Variants in BLZF1 observed in about 807,000 individuals in gnomAD.
The protein encoded by BLZF1 is golgin-45.
A neutral mutation model predicts 43.8 loss-of-function variants in BLZF1; 39 were observed. That is an observed-to-expected ratio of 0.89 (90% confidence interval 0.69 to 1.16). BLZF1 has a LOEUF of 1.16. Among genes scored for constraint, BLZF1 ranks in the 50% most tolerant of loss-of-function variants. The pLI, the probability that BLZF1 is intolerant of heterozygous loss-of-function variation, is 0.00. For synonymous variants in BLZF1, 136 were observed against 159.4 expected (o/e 0.85, Z 1.11); for missense variants, 449 against 469.8 (o/e 0.96, Z 0.41).
At chr1:169,384,912 C>T (rs1244945275) in intron 6 of BLZF1, among the ~76,000 whole-genome samples, 1 of 152,184 alleles carries the variant, frequency 6.6e-6, no homozygotes, top group African/African-American at 2.4e-5. Flanking sequence ...CAAGGTCTGG[C>T]ATAATCCCTT....
intron 6 of BLZF1, among the ~76,000 whole-genome samples, chr1:169,383,812 T>C (rs1166506015): frequency 6.6e-6 from 1 of 152,176 alleles, no homozygotes; most frequent in Non-Finnish European, 1.5e-5. Context: ...CACCATACTC[T>C]TGAAACGATT....
At chr1:169,390,043 G>A (rs1654780575), downstream of BLZF1, among the ~76,000 whole-genome samples, 1 of 152,116 alleles carries the variant, frequency 6.6e-6, no homozygotes, top group Admixed American at 6.5e-5. Context: ...GTACAACAAT[G>A]TCAGTCTACT....
chr1:169,375,418 A>G (rs1271804598), intron 2 of BLZF1, among the ~76,000 whole-genome samples: 1 of 112,114 alleles, frequency 8.9e-6, no homozygotes, highest in Non-Finnish European at 1.9e-5. Context: ...ATATATATAT[A>G]TATATATATA....
In BLZF1 at chr1:169,376,722, G is replaced by A. The variant is rs901960632; in HGVS notation, c.211G>A (p.Glu71Lys). 3 of 1,613,274 alleles carry A rather than the reference G, an allele frequency of 1.9e-6. No homozygotes were observed. Among genetic ancestry groups the A allele is most frequent in the Non-Finnish European group, 2.5e-6 (3 of 1,179,584 alleles). The part of the protein sequence containing the change: ...GVLQLGKMLT[E>K]KAMEVKAVRI... Reference sequence around the variant, plus strand: ...TCTTCAGCTAGGGAAAATGCTCACTGAAAAAGCAATGGAAGTTAAAGCTGT... The same window carrying A: ...TCTTCAGCTAGGGAAAATGCTCACTAAAAAAGCAATGGAAGTTAAAGCTGT... Residue 71 changes from glutamate to lysine, a missense_variant, in exon 3 of 7, where the codon GAA becomes AAA. Glu to Lys is a moderately conservative substitution (Grantham distance 56). Coordinates refer to ENST00000367808, the MANE Select transcript of BLZF1 (RefSeq NM_001320973.2).
intron 6 of BLZF1, among the ~76,000 whole-genome samples, chr1:169,383,126 C>CT (rs1375066933): frequency 6.6e-6 from 1 of 152,112 alleles, no homozygotes; most frequent in Non-Finnish European, 1.5e-5. Flanking sequence ...AGCTGTTTGC[C>CT]TTTTTATTTC....
chr1:169,380,134 G>C (rs958587731), intron 4 of BLZF1, among the ~76,000 whole-genome samples: 2 of 151,736 alleles, frequency 1.3e-5, no homozygotes, highest in African/African-American at 4.8e-5. Flanking sequence ...AGTTTTGTTT[G>C]TCTCTTTAAG....
chr1:169,379,356 A>C (rs962454890), intron 4 of BLZF1, among the ~76,000 whole-genome samples: 6 of 152,054 alleles, frequency 3.9e-5, no homozygotes, highest in Admixed American at 1.3e-4. Context: ...TTGTAGTAGT[A>C]GTTCACTCTC....
At chr1:169,373,548 A>G (rs1654198595) in intron 2 of BLZF1, among the ~76,000 whole-genome samples, 1 of 152,176 alleles carries the variant, frequency 6.6e-6, no homozygotes, top group Non-Finnish European at 1.5e-5. Flanking sequence ...CTGTTTACCT[A>G]TGCACATTAG....
chr1:169,389,597 C>T (rs763503221), downstream of BLZF1, among the ~76,000 whole-genome samples: 3 of 152,214 alleles, frequency 2.0e-5, no homozygotes, highest in Non-Finnish European at 4.4e-5. Context: ...CCTAGCAATT[C>T]TGCTTCTAGG....
chr1:169,389,512 T>C (rs561453947), downstream of BLZF1, among the ~76,000 whole-genome samples: 1 of 152,330 alleles, frequency 6.6e-6, no homozygotes, highest in Non-Finnish European at 1.5e-5. Flanking sequence ...CCCCTATGCA[T>C]TGTTTGTGGG....
intron 2 of BLZF1, among the ~76,000 whole-genome samples, chr1:169,375,553 T>C (rs1654291333): frequency 6.7e-6 from 1 of 150,016 alleles, no homozygotes; most frequent in Non-Finnish European, 1.5e-5. Flanking sequence ...TGCACACTTA[T>C]TATATATTAT....
chr1:169,391,500 G>A (rs147879839), downstream of BLZF1, among the ~76,000 whole-genome samples: 48 of 152,286 alleles, frequency 3.2e-4, no homozygotes, highest in African/African-American at 1.1e-3. Flanking sequence ...TGAGGTTTGG[G>A]CTGCTGTTTC....
At chr1:169,371,625 C>A (rs529036207) in intron 2 of BLZF1, among the ~76,000 whole-genome samples, 12 of 152,280 alleles carry the variant, frequency 7.9e-5, no homozygotes, top group Admixed American at 7.2e-4. Flanking sequence ...AGCAACAGAA[C>A]TTCCTCTCAG....
chr1:169,370,356 C>A (rs1654071727), intron 2 of BLZF1, among the ~76,000 whole-genome samples: 2 of 152,134 alleles, frequency 1.3e-5, no homozygotes, highest in Admixed American at 1.3e-4. Flanking sequence ...CACAATTCAA[C>A]CCCTAAATTG....
At chr1:169,381,432 A>G (rs1203137277) in intron 5 of BLZF1, among the ~76,000 whole-genome samples, 1 of 152,144 alleles carries the variant, frequency 6.6e-6, no homozygotes, top group Non-Finnish European at 1.5e-5. Flanking sequence ...CCAGGTCTAG[A>G]TGGATTCACT....
At chr1:169,378,708 A>C (rs575467383) in intron 4 of BLZF1, among the ~76,000 whole-genome samples, 179 bp downstream of exon 4, 4 of 152,110 alleles carry the variant, frequency 2.6e-5, no homozygotes, top group South Asian at 2.1e-4. Flanking sequence ...TAAATGAAGA[A>C]GTGATATAAG....
Position 169,376,727 on chromosome 1 carries a change from A to G in BLZF1, c.216A>G (p.Lys72=). The change falls in exon 3 of 7, where the codon AAA becomes AAG. Residue 72 remains lysine, a synonymous_variant. Coordinates refer to ENST00000367808, the MANE Select transcript of BLZF1 (RefSeq NM_001320973.2). Reference sequence around the variant, plus strand: ...AGCTAGGGAAAATGCTCACTGAAAAAGCAATGGAAGTTAAAGCTGTAAGAA... The same window carrying G: ...AGCTAGGGAAAATGCTCACTGAAAAGGCAATGGAAGTTAAAGCTGTAAGAA... The part of the protein sequence containing the change: ...VLQLGKMLTE[K]AMEVKAVRIL... 6.2e-7 allele frequency: 1 copy of G among 1,613,392 alleles called. No homozygotes were observed. Among genetic ancestry groups the G allele is most frequent in the Non-Finnish European group, 8.5e-7 (1 of 1,179,608 alleles).
chr1:169,377,190 T>C (rs1654386819), intron 3 of BLZF1: 1 of 529,288 alleles, frequency 1.9e-6, no homozygotes, highest in South Asian at 3.2e-5. Flanking sequence ...TCATTGAAGA[T>C]GGAGGTGTGA....
At chr1:169,392,217 G>T (rs1389047579), downstream of BLZF1, among the ~76,000 whole-genome samples, 2 of 152,104 alleles carry the variant, frequency 1.3e-5, no homozygotes, top group African/African-American at 4.8e-5. Context: ...AATTCCAACA[G>T]CCTTTTTGAA....
Sources: allele counts gnomAD v4.1 joint callset (sites outside exome capture counted in the v4.1 genomes callset), GRCh38; gene constraint gnomAD v4.1.1; transcripts MANE v1.5; gene names NCBI Gene and HGNC (gene_info 2026-07-23, HGNC 2026-07-21).